CYFIP2: variants seen among roughly 807,000 people sequenced by gnomAD.
CYFIP2 encodes cytoplasmic FMR1-interacting protein 2.
Under a neutral mutation model 158.7 loss-of-function variants are expected in CYFIP2, and 29 were observed. That is an observed-to-expected ratio of 0.18 (90% CI 0.14 to 0.25). The LOEUF is 0.25. Ranked by LOEUF, CYFIP2 falls within the 10% of genes least tolerant of loss-of-function variation. CYFIP2 has a pLI of 1.00. For missense variants in CYFIP2, 852 were observed against 1,639.5 expected (o/e 0.52, Z 8.29); for synonymous variants, 585 against 617.6 (o/e 0.95, Z 0.78).
chr5:157,276,576 A>G (rs1416488474), intron 1 of CYFIP2, among the ~76,000 whole-genome samples: 1 of 152,222 alleles, frequency 6.6e-6, no homozygotes, highest in African/African-American at 2.4e-5. Context: ...CAAGCCATTT[A>G]CATGGACTAA....
intron 26 of CYFIP2, among the ~76,000 whole-genome samples, chr5:157,367,378 G>C (rs956984285): frequency 6.6e-6 from 1 of 152,180 alleles, no homozygotes; most frequent in African/African-American, 2.4e-5. Context: ...ACCTCCCCCT[G>C]TTGGAAACTG....
chr5:157,349,075 C>T (rs1210620289), intron 23 of CYFIP2, among the ~76,000 whole-genome samples: 1 of 152,196 alleles, frequency 6.6e-6, no homozygotes, highest in African/African-American at 2.4e-5. Flanking sequence ...GCCACCGCAC[C>T]TGGCCAAATT....
At position 157,395,473 on chromosome 5, in the gene CYFIP2, T is replaced by C. The variant is rs145397143; in HGVS notation, c.*2473T>C. 8.7e-5 allele frequency: 41 copies of C among 469,264 alleles called. No individual in the cohort carries two copies. Among genetic ancestry groups the C allele is most frequent in the African/African-American group, 7.8e-4 (38 of 48,820 alleles). The allele number at this position is 469,264 out of a possible 1,614,324, so 29.1% of individuals were successfully genotyped here. The stretch of plus-strand genomic sequence containing the variant: ...CTTGTGATCAAATAATGATGTTAAA[T>C]TCTTAAATCATATTTGCTATGCAGC... On this transcript the variant is annotated 3_prime_UTR_variant, in exon 31 of 31. Coordinates refer to ENST00000620254, the MANE Select transcript of CYFIP2 (RefSeq NM_001037333.3).
chr5:157,342,135 C>G (rs529785288), intron 23 of CYFIP2: 1 of 152,696 alleles, frequency 6.5e-6, no homozygotes, highest in South Asian at 2.1e-4. Flanking sequence ...GCAATAGAAG[C>G]TAAGTCAGAT....
At chr5:157,309,529 A>G (rs771966112) in intron 9 of CYFIP2, among the ~76,000 whole-genome samples, 3 of 152,182 alleles carry the variant, frequency 2.0e-5, no homozygotes, top group Non-Finnish European at 2.9e-5. Context: ...TCCGTTGCCT[A>G]GAACATAGAG....
In CYFIP2 at chr5:157,394,986, T is replaced by C. The variant is rs530513146; in HGVS notation, c.*1986T>C. On this transcript the variant is annotated 3_prime_UTR_variant, in exon 31 of 31. Transcript: ENST00000620254. The stretch of plus-strand genomic sequence containing the variant: ...ATGGTAGCTGGCTCTCTGTAGCTGA[T>C]AGATGGCTAGAGTTCCATCCAAATC... 1 of 153,354 alleles carries C rather than the reference T, an allele frequency of 6.5e-6. No individual in the cohort carries two copies. Among genetic ancestry groups the C allele is most frequent in the African/African-American group, 2.4e-5 (1 of 41,598 alleles). 9.5% of individuals were successfully genotyped at this position (153,354 alleles called of 1,614,324 possible).
rs1247788342 is a variant in CYFIP2 at position 157,266,389 on chromosome 5, C to A, written c.-24+194C>A. The A allele has an allele frequency of 6.6e-6, 1 of 151,800 alleles. No individual in the cohort carries two copies. The highest frequency in any genetic ancestry group is 1.5e-5 in the Non-Finnish European group (1 of 67,928). 9.4% of individuals were successfully genotyped at this position (151,800 alleles called of 1,614,324 possible). A position where few individuals can be genotyped will look rare whatever the true frequency, so the allele number is the denominator to read the frequency against. ...CCCTTTCCCCCTCGGACCCACCGTG[C>A]GTCCCGCGGCACGGACCCTCTGCCC... On this transcript the variant is annotated intron_variant, in intron 1 of 30. Coordinates refer to ENST00000620254, the MANE Select transcript of CYFIP2 (RefSeq NM_001037333.3). The surrounding 1 kb of genome is among the most constrained non-coding windows in gnomAD (Gnocchi z 4.2).
intron 26 of CYFIP2, among the ~76,000 whole-genome samples, chr5:157,374,651 G>A (rs532011958): frequency 3.7e-4 from 57 of 152,154 alleles, no homozygotes; most frequent in Non-Finnish European, 5.6e-4. Flanking sequence ...ACTTCCACCT[G>A]GTCAGATGCA....
chr5:157,290,229 T>C (rs1757710655), intron 3 of CYFIP2, among the ~76,000 whole-genome samples: 1 of 152,238 alleles, frequency 6.6e-6, no homozygotes, highest in African/African-American at 2.4e-5. Flanking sequence ...TATAGTTTTG[T>C]AGGTCAGAAG....
chr5:157,379,468 T>TATAAAAAAAAACTTCCA, intron 26 of CYFIP2, among the ~76,000 whole-genome samples: 1 of 149,376 alleles, frequency 6.7e-6, no homozygotes, highest in South Asian at 2.1e-4. Flanking sequence ...CATTCCTACT[T>TATAAAAAAAAACTTCCA]ATAAAAAAAA....
chr5:157,342,805 C>T (rs1177930038), intron 23 of CYFIP2: 18 of 1,503,874 alleles, frequency 1.2e-5, no homozygotes, highest in African/African-American at 7.0e-5. Flanking sequence ...TTTGTACAAA[C>T]GACCTACTGT....
intron 26 of CYFIP2, among the ~76,000 whole-genome samples, chr5:157,370,017 A>G (rs1480658529): frequency 1.3e-5 from 2 of 151,888 alleles, no homozygotes; most frequent in Non-Finnish European, 2.9e-5. Context: ...AGTAGCTGGG[A>G]TAACAGGCAC....
In CYFIP2 at chr5:157,393,120, C is replaced by A; in HGVS notation, c.*120C>A. 8.6e-7 allele frequency: 1 copy of A among 1,168,274 alleles called. No individual in the cohort carries two copies. The highest frequency in any genetic ancestry group is 1.2e-6 in the Non-Finnish European group (1 of 839,758). 72.4% of individuals were successfully genotyped at this position (1,168,274 alleles called of 1,614,324 possible). On this transcript the variant is annotated 3_prime_UTR_variant, in exon 31 of 31. Transcript: ENST00000620254. ...GTGGGATGGACCTGGAAACAAGCAC[C>A]TCCCCAAACACATCACCACTCCCTA...
rs200165888 is a variant in CYFIP2 at position 157,342,907 on chromosome 5, C to G, written c.2673+1750C>G. On this transcript the variant is annotated intron_variant, in intron 23 of 30. Transcript: ENST00000620254. ...GTATAGCGGGTGGGTCACCACCCCC[C>G]CTCTGTAAGGCACCCGCATCAGGGG... is the stretch of plus-strand genomic sequence containing the variant. The G allele has an allele frequency of 1.1e-4, 184 of 1,614,118 alleles. 2 individuals carry two copies. In the East Asian group the frequency reaches 2.9e-3, roughly 25 times the overall value.
Position 157,319,887 on chromosome 5 carries a change from C to T in CYFIP2, c.1482C>T (p.Pro494=), listed in dbSNP as rs1760449925. Residue 494 remains proline (P), a synonymous_variant, in exon 14 of 31, where the codon CCC becomes CCT. Transcript: ENST00000620254. The part of the protein sequence containing the change: ...QDFAQVTLRE[P]LRQAVRKKKN... The stretch of plus-strand genomic sequence containing the variant: ...TCGCCCAGGTGACGCTGCGTGAGCC[C>T]CTGCGGCAGGCGGTACGGAAGAAGA... The T allele has an allele frequency of 6.2e-7, 1 of 1,613,928 alleles. No individual in the cohort carries two copies. Among genetic ancestry groups the T allele is most frequent in the South Asian group, 1.1e-5 (1 of 91,090 alleles).
In CYFIP2 at chr5:157,311,912, C is replaced by T; in HGVS notation, c.1110+131C>T. 1.2e-6 allele frequency: 1 copy of T among 814,954 alleles called. No homozygotes were observed. The highest frequency in any genetic ancestry group is 1.9e-6 in the Non-Finnish European group (1 of 516,750). 50.5% of individuals were successfully genotyped at this position (814,954 alleles called of 1,614,324 possible). Reference sequence around the variant, plus strand: ...GGAGGGAGGCAGGAGGGTAAAGTGGCCAACAGCAGGGGTTTTGGAGCCAGG... The same window carrying T: ...GGAGGGAGGCAGGAGGGTAAAGTGGTCAACAGCAGGGGTTTTGGAGCCAGG... On this transcript the variant is annotated intron_variant, in intron 11 of 30. Transcript: ENST00000620254. This position sits in a 1 kb window ranked among gnomAD's most constrained non-coding sequence, Gnocchi z 4.7.
intron 1 of CYFIP2, among the ~76,000 whole-genome samples, chr5:157,267,693 TGACCGGAAAAGAAACAGAGG>T (rs1402701872): frequency 6.6e-6 from 1 of 152,272 alleles, no homozygotes; most frequent in Non-Finnish European, 1.5e-5. Context: ...ACAAGTCATT[TGACCGGAAAAGAAACAGAGG>T]ATGGAGGCAT....
At chr5:157,317,094 G>T (rs1348050092) in intron 13 of CYFIP2, among the ~76,000 whole-genome samples, 2 of 151,914 alleles carry the variant, frequency 1.3e-5, no homozygotes, top group East Asian at 3.9e-4. Context: ...TAATAAAAGG[G>T]ATGCGTATGC....
chr5:157,328,267 A>G (rs1761181823), intron 19 of CYFIP2, among the ~76,000 whole-genome samples: 3 of 152,212 alleles, frequency 2.0e-5, no homozygotes, highest in African/African-American at 7.2e-5. Flanking sequence ...ACAGACATCG[A>G]CTAAAAGCCG....
Sources: gnomAD v4.1 joint callset for allele counts (sites outside exome capture counted in the v4.1 genomes callset) on GRCh38, gnomAD v4.1.1 for gene constraint, Gnocchi (gnomAD v3.1) non-coding constraint, MANE v1.5 for transcripts, NCBI Gene and HGNC (gene_info 2026-07-23, HGNC 2026-07-21) for gene names.